Variants in TMEM229B observed in about 807,000 individuals in gnomAD.
The protein encoded by TMEM229B is transmembrane protein 229B.
A neutral mutation model predicts 13.7 loss-of-function variants in TMEM229B; 6 were observed. That is an observed-to-expected ratio of 0.44 (90% CI 0.24 to 0.86). The LOEUF (loss-of-function observed/expected upper bound fraction) is 0.86. TMEM229B is among the 40% of genes least tolerant of loss of function. The pLI, the probability that TMEM229B is intolerant of heterozygous loss-of-function variation, is 0.23. For synonymous variants in TMEM229B, 107 were observed against 102.1 expected, an observed-to-expected ratio of 1.05 and a Z score of -0.29; for missense variants, 170 against 236.0, an observed-to-expected ratio of 0.72 and a Z score of 1.83.
chr14:67,511,510 A>G (rs932628671), intron 1 of TMEM229B, among the ~76,000 whole-genome samples: 1 of 152,178 alleles, frequency 6.6e-6, no homozygotes, highest in African/African-American at 2.4e-5. Context: ...AGAATCCCGA[A>G]AAAAATATTA....
intron 2 of TMEM229B, among the ~76,000 whole-genome samples, chr14:67,479,422 A>G (rs1378226108): frequency 4.6e-5 from 7 of 151,614 alleles, no homozygotes; most frequent in Admixed American, 4.6e-4. Context: ...AAAAAAAAAA[A>G]AAATGCTTGT....
intron 1 of TMEM229B, among the ~76,000 whole-genome samples, chr14:67,487,638 G>A (rs866441862): frequency 6.6e-6 from 1 of 152,148 alleles, no homozygotes; most frequent in Admixed American, 6.5e-5. Context: ...AACAAAATGT[G>A]TGCTAAACCT....
intron 1 of TMEM229B, among the ~76,000 whole-genome samples, chr14:67,498,991 A>ATTTATTTATTTG (rs1313970073): frequency 6.7e-6 from 1 of 149,772 alleles, no homozygotes; most frequent in African/African-American, 2.5e-5. Context: ...TTATTTATTT[A>ATTTATTTATTTG]TTTATTTATT....
Position 67,473,708 on chromosome 14 carries a change from C to T in TMEM229B, c.216G>A (p.Pro72=), listed in dbSNP as rs376634767. ...TGTAGATGAGGCAGCGCAGGAGCAG[C>T]GGGCAGCGGCCGCGCAGCCGCAGGT... The part of the protein sequence containing the change: ...RMYLRLRGRC[P]LLLRCLIYTL... The change falls in exon 3 of 3, where the codon CCG becomes CCA. Residue 72 remains proline (P), a synonymous_variant. Coordinates refer to ENST00000554480, the MANE Select transcript of TMEM229B (RefSeq NM_001348543.2). The surrounding 1 kb of genome is among the most constrained non-coding windows in gnomAD (Gnocchi z 6.5). 5 of 1,597,200 alleles carry T rather than the reference C, an allele frequency of 3.1e-6. No homozygotes were observed. The highest frequency in any genetic ancestry group is 3.4e-6 in the Non-Finnish European group (4 of 1,172,410).
At chr14:67,480,647 C>T (rs1040118900) in intron 2 of TMEM229B, among the ~76,000 whole-genome samples, 1 of 152,158 alleles carries the variant, frequency 6.6e-6, no homozygotes, top group Non-Finnish European at 1.5e-5. Context: ...CCAACTCAGG[C>T]CCCATGACCT....
At chr14:67,526,696 A>C (rs1200775591) in intron 1 of TMEM229B, among the ~76,000 whole-genome samples, 1 of 152,178 alleles carries the variant, frequency 6.6e-6, no homozygotes, top group South Asian at 2.1e-4. Flanking sequence ...ATCTGGCCCT[A>C]CACCTGACTG....
At chr14:67,494,154 G>A (rs2032275131) in intron 1 of TMEM229B, among the ~76,000 whole-genome samples, 1 of 152,086 alleles carries the variant, frequency 6.6e-6, no homozygotes, top group African/African-American at 2.4e-5. Flanking sequence ...ACCCAGTCTT[G>A]CTAATGCTTA....
At position 67,470,622 on chromosome 14, in the gene TMEM229B, AC is replaced by A. The variant is rs1170117870; in HGVS notation, c.*2797del. 6.5e-6 allele frequency: 1 copy of A among 152,806 alleles called. No individual in the cohort carries two copies. Among genetic ancestry groups the A allele is most frequent in the Non-Finnish European group, 1.5e-5 (1 of 68,216 alleles). 9.5% of individuals were successfully genotyped at this position (152,806 alleles called of 1,614,324 possible). A position where few individuals can be genotyped will look rare whatever the true frequency, so the allele number is the denominator to read the frequency against. On this transcript the variant is annotated 3_prime_UTR_variant, in exon 3 of 3. Coordinates refer to ENST00000554480, the MANE Select transcript of TMEM229B (RefSeq NM_001348543.2). ...CACTCAGCAGCTGCCTCCCCAGGAG[AC>A]CCACGCAGAGTGAGGGACCAGGACA... is the stretch of plus-strand genomic sequence containing the variant.
intron 1 of TMEM229B, among the ~76,000 whole-genome samples, chr14:67,511,417 G>A (rs2033021323): frequency 6.6e-6 from 1 of 152,110 alleles, no homozygotes; most frequent in South Asian, 2.1e-4. Flanking sequence ...GCAATCTGAG[G>A]ACCCGAGACC....
chr14:67,509,491 G>A (rs928516756), intron 1 of TMEM229B, among the ~76,000 whole-genome samples: 9 of 152,088 alleles, frequency 5.9e-5, no homozygotes, highest in Non-Finnish European at 5.9e-5. Flanking sequence ...GCTAATTTTT[G>A]TGTTTTTAGT....
intron 1 of TMEM229B, among the ~76,000 whole-genome samples, chr14:67,511,051 G>A (rs1454753549): frequency 3.3e-5 from 5 of 152,164 alleles, no homozygotes; most frequent in Non-Finnish European, 5.9e-5. Flanking sequence ...CAGGGCTGAT[G>A]TCAAGGCCTT....
chr14:67,511,592 T>C (rs2033028725), intron 1 of TMEM229B, among the ~76,000 whole-genome samples: 1 of 152,228 alleles, frequency 6.6e-6, no homozygotes, highest in South Asian at 2.1e-4. Context: ...GAATTGTCAA[T>C]GACTTTGGTT....
chr14:67,501,595 G>A (rs2032613482), intron 1 of TMEM229B, among the ~76,000 whole-genome samples: 1 of 152,140 alleles, frequency 6.6e-6, no homozygotes, highest in Admixed American at 6.6e-5. Context: ...TTATATTGGA[G>A]CCAGGGCTGA....
chr14:67,519,147 C>A (rs1008293252), upstream of TMEM229B, among the ~76,000 whole-genome samples: 11 of 151,984 alleles, frequency 7.2e-5, no homozygotes, highest in Admixed American at 5.9e-4. Flanking sequence ...TGCAACTGCC[C>A]CTTCTCAAAA....
At chr14:67,483,780 G>A (rs2031725922) in intron 2 of TMEM229B, among the ~76,000 whole-genome samples, 1 of 152,228 alleles carries the variant, frequency 6.6e-6, no homozygotes, top group South Asian at 2.1e-4. Context: ...GCCCAGCCCT[G>A]CCATGGAGAC....
At chr14:67,484,229 G>A (rs1473698316) in intron 2 of TMEM229B, among the ~76,000 whole-genome samples, 1 of 152,164 alleles carries the variant, frequency 6.6e-6, no homozygotes, top group Non-Finnish European at 1.5e-5. Flanking sequence ...GAGAGCAGGG[G>A]CACTGTCTTG....
At chr14:67,492,922 T>A (rs919569060), upstream of TMEM229B, among the ~76,000 whole-genome samples, 1 of 152,144 alleles carries the variant, frequency 6.6e-6, no homozygotes, top group African/African-American at 2.4e-5. Context: ...GCTCTAAACA[T>A]ACTATAAGTT....
upstream of TMEM229B, among the ~76,000 whole-genome samples, chr14:67,491,248 T>C (rs1260859085): frequency 1.3e-5 from 2 of 152,152 alleles, no homozygotes; most frequent in Non-Finnish European, 2.9e-5. Flanking sequence ...GGTGACGTAT[T>C]GGGGGGTCAC....
intron 1 of TMEM229B, among the ~76,000 whole-genome samples, chr14:67,502,057 G>T (rs115575850): frequency 0.087 from 13,197 of 152,256 alleles, 603 homozygotes; most frequent in African/African-American, 0.11. Flanking sequence ...AACAGACTGG[G>T]CACTGTGGCT....
Sources: allele counts gnomAD v4.1 joint callset (sites outside exome capture counted in the v4.1 genomes callset), GRCh38; gene constraint gnomAD v4.1.1; non-coding constraint Gnocchi (gnomAD v3.1); transcripts MANE v1.5; gene names NCBI Gene and HGNC (gene_info 2026-07-23, HGNC 2026-07-21).